PCDHA8: variants seen among roughly 807,000 people sequenced by gnomAD.
PCDHA8 encodes protocadherin alpha-8.
Under a neutral mutation model 61.8 loss-of-function variants are expected in PCDHA8, and 53 were observed. That is an observed-to-expected ratio of 0.86 (90% CI 0.69 to 1.08). The LOEUF is 1.08. PCDHA8 is among the 50% of genes least tolerant of loss of function. The pLI, the probability that PCDHA8 is intolerant of heterozygous loss-of-function variation, is 0.00. For synonymous variants in PCDHA8, 618 were observed against 556.6 expected, an observed-to-expected ratio of 1.11 and a Z score of -1.55; for missense variants, 1,293 against 1,245.0, an observed-to-expected ratio of 1.04 and a Z score of -0.58.
chr5:140,882,234 T>C, intron 1 of PCDHA8: 1 of 1,579,306 alleles, frequency 6.3e-7, no homozygotes, highest in Non-Finnish European at 8.6e-7. Flanking sequence ...GCGTTGTATA[T>C]ATTGCAGATA....
intron 1 of PCDHA8, among the ~76,000 whole-genome samples, chr5:140,901,744 A>G (rs781984509): frequency 1.3e-5 from 2 of 152,144 alleles, no homozygotes; most frequent in Non-Finnish European, 2.9e-5. Context: ...AAGAATGTCC[A>G]TGGTATTTTG....
At chr5:140,940,593 A>G (rs2092648765) in intron 1 of PCDHA8, among the ~76,000 whole-genome samples, 1 of 152,170 alleles carries the variant, frequency 6.6e-6, no homozygotes, top group Non-Finnish European at 1.5e-5. Flanking sequence ...GATTTCAGGC[A>G]TGAGCCGCTG....
chr5:140,945,526 A>T (rs1466059696), intron 1 of PCDHA8, among the ~76,000 whole-genome samples: 2 of 152,130 alleles, frequency 1.3e-5, no homozygotes, highest in African/African-American at 4.8e-5. Context: ...AATAAATAAA[A>T]CAAAACATAC....
rs114181547 is a variant in PCDHA8, at chr5:140,916,746, T to C, written c.2395-62203T>C. Among the ~76,000 whole-genome samples, 1,217 of 152,314 alleles carry C rather than the reference T, an allele frequency of 8.0e-3. 6 individuals carry two copies. Among genetic ancestry groups the C allele is most frequent in the African/African-American group, 0.019 (786 of 41,576 alleles). ...TTTTGTTGCTGCAAGCTTCACTGCC[T>C]GGGATTAGGGGAGGGGTGGCACAAG... On this transcript the variant is annotated intron_variant, in intron 1 of 3. Coordinates refer to ENST00000531613, the MANE Select transcript of PCDHA8 (RefSeq NM_018911.3).
chr5:141,007,494 G>A (rs538537497), intron 3 of PCDHA8, among the ~76,000 whole-genome samples: 20 of 152,150 alleles, frequency 1.3e-4, no homozygotes, highest in African/African-American at 4.8e-4. Flanking sequence ...CTTGGACCTA[G>A]GAGGCAGAGA....
chr5:141,001,359 T>C (rs186629026), intron 3 of PCDHA8, among the ~76,000 whole-genome samples: 4 of 152,344 alleles, frequency 2.6e-5, no homozygotes, highest in Admixed American at 1.3e-4. Context: ...GGTTTAAGCC[T>C]ACTATTCTGA....
intron 1 of PCDHA8, among the ~76,000 whole-genome samples, chr5:140,899,599 C>G (rs535938234): frequency 2.0e-5 from 3 of 152,232 alleles, no homozygotes; most frequent in South Asian, 4.2e-4. Context: ...TTATTGAGGA[C>G]TTTTGCATCA....
Position 140,870,720 on chromosome 5 carries a change from G to A in PCDHA8, c.2394+27005G>A, listed in dbSNP as rs544150374. ...AGTTCCAGGTGAGCGCGCGCGATGC[G>A]GGCGTGCCGCCTCTGAGCAGCAACG... On this transcript the variant is annotated intron_variant, in intron 1 of 3. Coordinates refer to ENST00000531613, the MANE Select transcript of PCDHA8 (RefSeq NM_018911.3). The A allele has an allele frequency of 3.7e-6, 6 of 1,613,204 alleles. No homozygotes were observed. In the East Asian group the frequency reaches 6.7e-5, roughly 18 times the overall value.
At chr5:140,884,833 C>A in intron 1 of PCDHA8, 2 of 916,632 alleles carry the variant, frequency 2.2e-6, no homozygotes, top group Non-Finnish European at 3.1e-6. Context: ...GTTGGATTAT[C>A]CTTCAGAGTG....
rs782134920 is a variant in PCDHA8, at chr5:140,869,400, C to A, written c.2394+25685C>A. ...ACCGCGAGGAGCTGTGCGGGCAGAG[C>A]GCGGAGTGCAGCATCCACCTGGAGG... On this transcript the variant is annotated intron_variant, in intron 1 of 3. Coordinates refer to ENST00000531613, the MANE Select transcript of PCDHA8 (RefSeq NM_018911.3). The A allele has an allele frequency of 5.2e-5, 84 of 1,614,026 alleles. 2 individuals carry two copies. The Admixed American group carries it at 7.2e-4, about 14-fold the overall frequency.
chr5:140,930,423 A>G (rs1366004853), intron 1 of PCDHA8: 3 of 151,862 alleles, frequency 2.0e-5, no homozygotes, highest in African/African-American at 7.3e-5. Flanking sequence ...GGGTCTCACT[A>G]TGTTGCCCAG....
chr5:140,967,687 C>T (rs1173018126), intron 1 of PCDHA8: 1 of 1,614,094 alleles, frequency 6.2e-7, no homozygotes, highest in Non-Finnish European at 8.5e-7. Context: ...AGAGGCAGCT[C>T]TTCAGCATAG....
chr5:140,928,790 G>GGGT, intron 1 of PCDHA8: 2 of 1,614,176 alleles, frequency 1.2e-6, no homozygotes, highest in Non-Finnish European at 1.7e-6. Context: ...GTTAAGCAGA[G>GGGT]GGTGGTGGTA....
chr5:140,899,052 C>CCAA (rs1554188364), intron 1 of PCDHA8, among the ~76,000 whole-genome samples: 7 of 151,400 alleles, frequency 4.6e-5, no homozygotes, highest in Non-Finnish European at 1.0e-4. Flanking sequence ...TATCCTGAGA[C>CCAA]TTTGCTGAAG....
chr5:140,870,358 G>C lies in PCDHA8; in HGVS notation c.2394+26643G>C, dbSNP rs201159213. The C allele has an allele frequency of 1.2e-5, 20 of 1,614,216 alleles. No homozygotes were observed. The Admixed American group carries it at 3.3e-4, about 27-fold the overall frequency. ...CGCCCTGGACCGCGAGAACGTGTGG[G>C]CCTATGAACTGGTGGTGACTGCGCG... On this transcript the variant is annotated intron_variant, in intron 1 of 3. Transcript: ENST00000531613.
chr5:140,876,017 T>C lies in PCDHA8; in HGVS notation c.2394+32302T>C, dbSNP rs371785405. The C allele has an allele frequency of 8.7e-6, 14 of 1,613,124 alleles. No homozygotes were observed. Among genetic ancestry groups the C allele is most frequent in the Admixed American group, 3.3e-5 (2 of 59,812 alleles). ...CTAAATGAGAATTTTGAGCTTAAAA[T>C]AAAAACAAAAAAAGATAAAAGTATA... On this transcript the variant is annotated intron_variant, in intron 1 of 3. Transcript: ENST00000531613.
intron 1 of PCDHA8, among the ~76,000 whole-genome samples, chr5:140,911,380 T>C (rs1365945638): frequency 4.6e-5 from 7 of 152,212 alleles, no homozygotes; most frequent in African/African-American, 1.7e-4. Flanking sequence ...AGGCTGTGCA[T>C]GCACCTTTCA....
rs375481139 is a variant in PCDHA8 at position 140,894,977 on chromosome 5, C to T, written c.2394+51262C>T. ...AAAAATATAATTTTTTAATGTCTTA[C>T]TTTGTGACATCCTTTACCCTTTTTA... On this transcript the variant is annotated intron_variant, in intron 1 of 3. Coordinates refer to ENST00000531613, the MANE Select transcript of PCDHA8 (RefSeq NM_018911.3). Among the ~76,000 whole-genome samples the T allele has an allele frequency of 4.5e-4, 69 of 152,216 alleles. No homozygotes were observed. The South Asian group carries it at 0.014, about 30-fold the overall frequency.
chr5:140,967,628 T>C (rs1341456967), intron 1 of PCDHA8: 3 of 1,613,984 alleles, frequency 1.9e-6, no homozygotes, highest in Non-Finnish European at 2.5e-6. Context: ...GGATGAGGGC[T>C]CCAATGGTGA....
Sources: allele counts gnomAD v4.1 joint callset (sites outside exome capture counted in the v4.1 genomes callset), GRCh38; gene constraint gnomAD v4.1.1; transcripts MANE v1.5; gene names NCBI Gene and HGNC (gene_info 2026-07-23, HGNC 2026-07-21).